The following JAKMIP1 variants were observed in gnomAD, a reference collection of about 807,000 sequenced individuals.
JAKMIP1 encodes the protein janus kinase and microtubule-interacting protein 1.
A neutral mutation model predicts 113.0 loss-of-function variants in JAKMIP1; 33 were observed. The ratio of observed to expected loss-of-function variants is 0.29; its 90% confidence interval spans 0.22 to 0.39. The LOEUF (loss-of-function observed/expected upper bound fraction) is 0.39. Among genes scored for constraint, JAKMIP1 ranks in the 10% least tolerant of loss-of-function variants. The pLI, the probability that JAKMIP1 is intolerant of heterozygous loss-of-function variation, is 1.00. For missense variants in JAKMIP1, 813 were observed against 1,080.5 expected, an observed-to-expected ratio of 0.75 and a Z score of 3.47; for synonymous variants, 480 against 459.9, an observed-to-expected ratio of 1.04 and a Z score of -0.56.
rs753331107 is a variant in JAKMIP1 at position 6,105,980 on chromosome 4, C to A, written c.130-13G>T. The A allele has an allele frequency of 1.3e-6, 2 of 1,549,704 alleles. No homozygotes were observed. Among genetic ancestry groups the A allele is most frequent in the East Asian group, 2.3e-5 (1 of 44,424 alleles). On this transcript the variant is annotated splice_polypyrimidine_tract_variant and intron_variant, in intron 2 of 20. Transcript: ENST00000409021. The stretch of plus-strand genomic sequence containing the variant: ...GCAGTTTGCCCACCTGCAGCCAGAG[C>A]GGCGAGAGAGCCGGTCAGGGTCAGG...
intron 1 of JAKMIP1, among the ~76,000 whole-genome samples, chr4:6,145,410 G>A (rs1720717509): frequency 1.3e-5 from 2 of 152,190 alleles, no homozygotes; most frequent in Non-Finnish European, 2.9e-5. Flanking sequence ...CAATATTCAT[G>A]CCTTGTCCCT....
intron 2 of JAKMIP1, among the ~76,000 whole-genome samples, chr4:6,112,496 T>G (rs1177138473): frequency 6.6e-6 from 1 of 152,198 alleles, no homozygotes; most frequent in African/African-American, 2.4e-5. Flanking sequence ...AATCAAAGAA[T>G]GAGGTGTTCA....
intron 1 of JAKMIP1, among the ~76,000 whole-genome samples, chr4:6,133,680 C>T (rs1030283448): frequency 1.3e-5 from 2 of 152,220 alleles, no homozygotes; most frequent in African/African-American, 2.4e-5. Flanking sequence ...TGCTTCCCAA[C>T]AACAATGTGT....
At chr4:6,149,508 T>C (rs533677456) in intron 1 of JAKMIP1, among the ~76,000 whole-genome samples, 1 of 152,116 alleles carries the variant, frequency 6.6e-6, no homozygotes, top group African/African-American at 2.4e-5. Context: ...AATACTGAAT[T>C]TGGGACCTGA....
chr4:6,087,570 T>C (rs1488012823), intron 3 of JAKMIP1, among the ~76,000 whole-genome samples: 1 of 152,200 alleles, frequency 6.6e-6, no homozygotes, highest in African/African-American at 2.4e-5. Context: ...ATGGTACTCC[T>C]AGATTCCAGA....
chr4:6,078,535 C>G (rs933303373), intron 8 of JAKMIP1, among the ~76,000 whole-genome samples: 1 of 151,012 alleles, frequency 6.6e-6, no homozygotes, highest in African/African-American at 2.4e-5. Flanking sequence ...CCTATATTTT[C>G]CAAAAAAGAC....
At chr4:6,062,596 G>A (rs1717461972) in intron 9 of JAKMIP1, among the ~76,000 whole-genome samples, 156 bp from the exon 10 acceptor site, 1 of 152,244 alleles carries the variant, frequency 6.6e-6, no homozygotes, top group Non-Finnish European at 1.5e-5. Context: ...TCACAGTGCT[G>A]CCAACAGGTG....
In JAKMIP1 at chr4:6,086,089, C is replaced by A. The variant is rs1368690925; in HGVS notation, c.625-460G>T. 6.6e-6 allele frequency among the ~76,000 whole-genome samples: 1 copy of A among 152,070 alleles called. No individual in the cohort carries two copies. Among genetic ancestry groups the A allele is most frequent in the African/African-American group, 2.4e-5 (1 of 41,402 alleles). Reference sequence around the variant, plus strand: ...CACCAGACAGCTCCTGCCAAGGTCACCAGTGCTCTCCTGGCCACCGAACCC... The same window carrying A: ...CACCAGACAGCTCCTGCCAAGGTCAACAGTGCTCTCCTGGCCACCGAACCC... On this transcript the variant is annotated intron_variant, in intron 3 of 20. Transcript: ENST00000409021. This position sits in a 1 kb window ranked among gnomAD's most constrained non-coding sequence, Gnocchi z 4.1.
rs1243440172 is a variant in JAKMIP1, at chr4:6,192,035, C to A, written c.-148+8218G>T. On this transcript the variant is annotated intron_variant, in intron 1 of 20. Coordinates refer to ENST00000409021, the MANE Select transcript of JAKMIP1 (RefSeq NM_001099433.2). This position sits in a 1 kb window ranked among gnomAD's most constrained non-coding sequence, Gnocchi z 5.0. ...ACAACCTCCGCCTCCCGGGTTTGAG[C>A]TATTCTCCTGCCTCAGCCTCCCGAG... Among the ~76,000 whole-genome samples the A allele has an allele frequency of 6.6e-6, 1 of 152,010 alleles. No homozygotes were observed. The highest frequency in any genetic ancestry group is 1.5e-5 in the Non-Finnish European group (1 of 68,022).
chr4:6,078,965 G>C lies in JAKMIP1; in HGVS notation c.1276C>G (p.Arg426Gly). 1 of 1,614,138 alleles carries C rather than the reference G, an allele frequency of 6.2e-7. No individual in the cohort carries two copies. The highest frequency in any genetic ancestry group is 1.3e-5 in the African/African-American group (1 of 75,030). Residue 426 changes from arginine (R) to glycine (G), a missense_variant, in exon 8 of 21, where the codon CGA becomes GGA. Physicochemically the swap from Arg to Gly is moderately radical, Grantham distance 125. This residue lies in a region of JAKMIP1 where 540 missense variants were observed against 653.9 expected (regional missense o/e 0.83). Coordinates refer to ENST00000409021, the MANE Select transcript of JAKMIP1 (RefSeq NM_001099433.2). ...RERLLRSKRH[R>G]GKSLKPPKKH... ...TTGGGCGGTTTCAGACTTTTCCCTC[G>C]ATGCCTTTTGGAGCGCAACAGCCGT... is the stretch of plus-strand genomic sequence containing the variant.
At chr4:6,071,848 G>C (rs142253614) in intron 8 of JAKMIP1, among the ~76,000 whole-genome samples, 1 of 152,068 alleles carries the variant, frequency 6.6e-6, no homozygotes, top group East Asian at 1.9e-4. Context: ...CATCTTCCCC[G>C]AGTCCTTTAC....
At chr4:6,163,239 C>G (rs959393070) in intron 1 of JAKMIP1, among the ~76,000 whole-genome samples, 2 of 152,200 alleles carry the variant, frequency 1.3e-5, no homozygotes, top group East Asian at 3.9e-4. Flanking sequence ...TTGTGGCAAC[C>G]CTGTGATGAG....
chr4:6,121,472 A>T lies in JAKMIP1; in HGVS notation c.-147-8475T>A, dbSNP rs1381263203. ...CGGTGCCAGGCATCAGGAGGGCAAAAGTTGGAAGCAACCTAAATGTCCAGC... is the reference window on the plus strand; with the variant it reads ...CGGTGCCAGGCATCAGGAGGGCAAATGTTGGAAGCAACCTAAATGTCCAGC... On this transcript the variant is annotated intron_variant, in intron 1 of 20. Transcript: ENST00000409021. 2.0e-5 allele frequency among the ~76,000 whole-genome samples: 3 copies of T among 152,216 alleles called. No individual in the cohort carries two copies. In the East Asian group the frequency reaches 5.8e-4, roughly 29 times the overall value.
rs1190102900 is a variant in JAKMIP1, at chr4:6,187,513, G to A, written c.-148+12740C>T. On this transcript the variant is annotated intron_variant, in intron 1 of 20. Transcript: ENST00000409021. The surrounding 1 kb of genome is among the most constrained non-coding windows in gnomAD (Gnocchi z 4.2). ...TTTGGCAAGTGATTAGGTCACGAGG[G>A]CGAGCCCTCATAAATGAGATTAGTG... Among the ~76,000 whole-genome samples the A allele has an allele frequency of 2.0e-5, 3 of 152,230 alleles. No individual in the cohort carries two copies. The highest frequency in any genetic ancestry group is 7.2e-5 in the African/African-American group (3 of 41,454).
In JAKMIP1 at chr4:6,031,497, T is replaced by C. The variant is rs1350484687; in HGVS notation, c.2380-1716A>G. On this transcript the variant is annotated intron_variant, in intron 19 of 20. Coordinates refer to ENST00000409021, the MANE Select transcript of JAKMIP1 (RefSeq NM_001099433.2). This position sits in a 1 kb window ranked among gnomAD's most constrained non-coding sequence, Gnocchi z 4.4. ...GAGACGTGGAACCCAGCAGGGTTAG[T>C]TCACCAGATGCACAAGAGGGGAAAG... Among the ~76,000 whole-genome samples, 2 of 152,130 alleles carry C rather than the reference T, an allele frequency of 1.3e-5. No individual in the cohort carries two copies. Among genetic ancestry groups the C allele is most frequent in the African/African-American group, 4.8e-5 (2 of 41,512 alleles).
chr4:6,101,777 G>A (rs188607926), intron 3 of JAKMIP1, among the ~76,000 whole-genome samples: 2,096 of 150,308 alleles, frequency 0.014, 46 homozygotes, highest in African/African-American at 0.047. Flanking sequence ...ATGGTGGCAG[G>A]CATCTGTAAT....
intron 3 of JAKMIP1, among the ~76,000 whole-genome samples, chr4:6,090,855 A>G (rs1027255203): frequency 1.3e-4 from 20 of 151,114 alleles, no homozygotes; most frequent in Non-Finnish European, 2.9e-4. Flanking sequence ...CATGTTAACC[A>G]TGATGCCCTT....
Position 6,040,757 on chromosome 4 carries a change from C to A in JAKMIP1, c.2098-41G>T. ...GCGCCATCAGGGACCAGCGTCAGAACAGGAATCCATGACAGCTTCAGAGCC... is the reference window on the plus strand; with the variant it reads ...GCGCCATCAGGGACCAGCGTCAGAAAAGGAATCCATGACAGCTTCAGAGCC... On this transcript the variant is annotated intron_variant, in intron 17 of 20. Coordinates refer to ENST00000409021, the MANE Select transcript of JAKMIP1 (RefSeq NM_001099433.2). This position sits in a 1 kb window ranked among gnomAD's most constrained non-coding sequence, Gnocchi z 5.8. 1.3e-6 allele frequency: 2 copies of A among 1,531,272 alleles called. No individual in the cohort carries two copies. The highest frequency in any genetic ancestry group is 1.8e-6 in the Non-Finnish European group (2 of 1,107,770). 94.9% of individuals were successfully genotyped at this position (1,531,272 alleles called of 1,614,324 possible). A position where few individuals can be genotyped will look rare whatever the true frequency, so the allele number is the denominator to read the frequency against.
At chr4:6,077,396 G>T (rs528981501) in intron 8 of JAKMIP1, among the ~76,000 whole-genome samples, 1 of 151,824 alleles carries the variant, frequency 6.6e-6, no homozygotes, top group African/African-American at 2.4e-5. Context: ...TCTGCTACGG[G>T]TTTTAGAGGG....
Sources: gnomAD v4.1 joint callset for allele counts (sites outside exome capture counted in the v4.1 genomes callset) on GRCh38, gnomAD v4.1.1 for gene constraint, gnomAD v4.1.1 regional missense constraint, Gnocchi (gnomAD v3.1) non-coding constraint, MANE v1.5 for transcripts, NCBI Gene and HGNC (gene_info 2026-07-23, HGNC 2026-07-21) for gene names.